The following TMEM86B variants were observed in gnomAD, a reference collection of about 807,000 sequenced individuals.
TMEM86B encodes transmembrane protein 86B.
In TMEM86B, 15 loss-of-function variants were observed where a neutral mutation model predicts 12.3. The observed-to-expected ratio is 1.22, with a 90% CI of 0.81 to 1.87. The LOEUF is 1.87. Among genes scored for constraint, TMEM86B ranks in the 40% most tolerant of loss-of-function variants. TMEM86B has a pLI of 0.00. For synonymous variants in TMEM86B, 173 were observed against 140.3 expected (o/e 1.23, Z -1.65); for missense variants, 328 against 297.4 (o/e 1.10, Z -0.76).
rs1382740767 is a variant in TMEM86B at position 55,226,952 on chromosome 19, G to A, written c.*229C>T. ...CCATGTGGGCCTGGCTGAGGAGCCA[G>A]GGATCTGGAGTCAGAACCGGGGGAA... On this transcript the variant is annotated 3_prime_UTR_variant, in exon 3 of 3. Coordinates refer to ENST00000327042, the MANE Select transcript of TMEM86B (RefSeq NM_173804.5). 4 of 422,278 alleles carry A rather than the reference G, an allele frequency of 9.5e-6. No homozygotes were observed. The highest frequency in any genetic ancestry group is 1.6e-5 in the Non-Finnish European group (4 of 247,954). The allele number at this position is 422,278 out of a possible 1,614,324, so 26.2% of individuals were successfully genotyped here.
In TMEM86B at chr19:55,227,059, C is replaced by A. The variant is rs1024496736; in HGVS notation, c.*122G>T. The A allele has an allele frequency of 3.4e-6, 4 of 1,175,168 alleles. No individual in the cohort carries two copies. In the East Asian group the frequency reaches 9.0e-5, roughly 27 times the overall value. 72.8% of individuals were successfully genotyped at this position (1,175,168 alleles called of 1,614,324 possible). A position where few individuals can be genotyped will look rare whatever the true frequency, so the allele number is the denominator to read the frequency against. On this transcript the variant is annotated 3_prime_UTR_variant, in exon 3 of 3. Transcript: ENST00000327042. ...CAGCCAGAAGCGACGGCGGCAGCGG[C>A]GCCTGCAGACAGGCGTCAGGAAGCT...
rs2122457153 is a variant in TMEM86B at position 55,227,022 on chromosome 19, C to T, written c.*159G>A. The T allele has an allele frequency of 2.4e-6, 2 of 837,596 alleles. No homozygotes were observed. The highest frequency in any genetic ancestry group is 3.9e-5 in the South Asian group (1 of 25,904). 51.9% of individuals were successfully genotyped at this position (837,596 alleles called of 1,614,324 possible). A position where few individuals can be genotyped will look rare whatever the true frequency, so the allele number is the denominator to read the frequency against. ...TGGACTTGGAATTCCGCAAATCGTC[C>T]TCAAACGTCTTCAGCCAGAAGCGAC... On this transcript the variant is annotated 3_prime_UTR_variant, in exon 3 of 3. Coordinates refer to ENST00000327042, the MANE Select transcript of TMEM86B (RefSeq NM_173804.5).
rs760311506 is a variant in TMEM86B, at chr19:55,227,303, C to T, written c.559G>A (p.Ala187Thr). Residue 187 changes from alanine to threonine, a missense_variant, in exon 3 of 3, where the codon GCC (alanine) becomes ACC (threonine). Transcript: ENST00000327042. The stretch of plus-strand genomic sequence containing the variant: ...AGGGGCTGGGCGAAGGTGTCCCAGG[C>T]CAGCACGCCATCAGAGAGCGTGAAG... ...LLFTLSDGVL[A>T]WDTFAQPLPH... 9.9e-6 allele frequency: 16 copies of T among 1,609,342 alleles called. No homozygotes were observed. The highest frequency in any genetic ancestry group is 5.5e-5 in the South Asian group (5 of 90,698).
At chr19:55,228,149 TCA>T in intron 2 of TMEM86B, 40 bp downstream of exon 2, 1 of 1,572,284 alleles carries the variant, frequency 6.4e-7, no homozygotes, top group Non-Finnish European at 8.6e-7. Flanking sequence ...GGGGCCTCTC[TCA>T]CACGGGCATC....
rs974562360 is a variant in TMEM86B, at chr19:55,227,133, T to C, written c.*48A>G. On this transcript the variant is annotated 3_prime_UTR_variant, in exon 3 of 3. Coordinates refer to ENST00000327042, the MANE Select transcript of TMEM86B (RefSeq NM_173804.5). ...GCTGGGCTGGGCTGGGAGGCCCAGG[T>C]CCTTGCAGGAGGAGAGGGCCTGAAC... 60 of 1,416,074 alleles carry C rather than the reference T, an allele frequency of 4.2e-5. No individual in the cohort carries two copies. Among genetic ancestry groups the C allele is most frequent in the Non-Finnish European group, 5.6e-5 (60 of 1,078,638 alleles). 87.7% of individuals were successfully genotyped at this position (1,416,074 alleles called of 1,614,324 possible).
At position 55,227,443 on chromosome 19, in the gene TMEM86B, A is replaced by G. The variant is rs755484206; in HGVS notation, c.419T>C (p.Leu140Pro). Reference protein sequence around the residue: ...LAPGPYLSLVLQHLEPDMVLP... With the variant: ...LAPGPYLSLVPQHLEPDMVLP... ...GACCATATCCGGCTCGAGGTGCTGG[A>G]GCACAAGGCTGAGGTAGGGGCCAGG... The change falls in exon 3 of 3, where the codon CTC (leucine) becomes CCC (proline). Residue 140 changes from leucine (L) to proline (P), a missense_variant. Transcript: ENST00000327042. The G allele has an allele frequency of 2.6e-6, 4 of 1,563,398 alleles. No homozygotes were observed. The East Asian group carries it at 7.1e-5, about 28-fold the overall frequency.
In TMEM86B at chr19:55,228,390, G is replaced by T; in HGVS notation, c.99C>A (p.Cys33Ter). The T allele has an allele frequency of 6.2e-7, 1 of 1,613,732 alleles. No individual in the cohort carries two copies. Among genetic ancestry groups the T allele is most frequent in the Non-Finnish European group, 8.5e-7 (1 of 1,180,016 alleles). The change falls in exon 2 of 3, where the codon TGC (cysteine) becomes TGA (stop). Residue 33 changes from cysteine to a stop codon, truncating the protein, a stop_gained. Coordinates refer to ENST00000327042, the MANE Select transcript of TMEM86B (RefSeq NM_173804.5). LOFTEE classifies it high-confidence loss of function. ...RWLSPFILSC[C>*]VYFCLWIPED... is the part of the protein sequence containing the mutation. The stretch of plus-strand genomic sequence containing the variant: ...CGGGAATCCAGAGGCAGAAGTACAC[G>T]CAGCAGGAGAGGATGAAGGGGCTCA...
Position 55,227,193 on chromosome 19 carries a change from G to T in TMEM86B, c.669C>A (p.Pro223=). The change falls in exon 3 of 3, where the codon CCC becomes CCA. Residue 223 remains proline (P), a synonymous_variant. Coordinates refer to ENST00000327042, the MANE Select transcript of TMEM86B (RefSeq NM_173804.5). ...ITLSALRSPV[P]KTD The stretch of plus-strand genomic sequence containing the variant: ...TCAAGCTCCCTAGTCAGTCAGTCTT[G>T]GGCACCGGGCTCCTGAGGGCTGACA... 6.6e-7 allele frequency: 1 copy of T among 1,519,368 alleles called. No homozygotes were observed. Among genetic ancestry groups the T allele is most frequent in the Non-Finnish European group, 8.9e-7 (1 of 1,127,824 alleles). 94.1% of individuals were successfully genotyped at this position (1,519,368 alleles called of 1,614,324 possible).
At position 55,227,578 on chromosome 19, in the gene TMEM86B, G is replaced by A; in HGVS notation, c.299-15C>T. 4 of 1,511,476 alleles carry A rather than the reference G, an allele frequency of 2.6e-6. No homozygotes were observed. Among genetic ancestry groups the A allele is most frequent in the Non-Finnish European group, 3.6e-6 (4 of 1,124,964 alleles). The allele number at this position is 1,511,476 out of a possible 1,614,324, so 93.6% of individuals were successfully genotyped here. A position where few individuals can be genotyped will look rare whatever the true frequency, so the allele number is the denominator to read the frequency against. On this transcript the variant is annotated splice_polypyrimidine_tract_variant and intron_variant, in intron 2 of 2. Coordinates refer to ENST00000327042, the MANE Select transcript of TMEM86B (RefSeq NM_173804.5). ...GGCGGCCATGCCTGGCGGGAGAGGG[G>A]TGGGGTACCAGTGAGGAAGGCCCAT... is the stretch of plus-strand genomic sequence containing the variant.
At position 55,226,997 on chromosome 19, in the gene TMEM86B, T is replaced by C. The variant is rs2087287091; in HGVS notation, c.*184A>G. 6 of 606,204 alleles carry C rather than the reference T, an allele frequency of 9.9e-6. No homozygotes were observed. The highest frequency in any genetic ancestry group is 5.6e-5 in the South Asian group (1 of 18,014). The allele number at this position is 606,204 out of a possible 1,614,324, so 37.6% of individuals were successfully genotyped here. On this transcript the variant is annotated 3_prime_UTR_variant, in exon 3 of 3. Transcript: ENST00000327042. ...GGGGAAGGCAGCTGGAACCCAGTAG[T>C]GGACTTGGAATTCCGCAAATCGTCC... is the stretch of plus-strand genomic sequence containing the variant.
chr19:55,228,057 T>A (rs777498248), intron 2 of TMEM86B, 134 bp downstream of exon 2: 429 of 1,412,814 alleles, frequency 3.0e-4, no homozygotes, highest in Non-Finnish European at 3.9e-4. Context: ...GCTGCCTCGG[T>A]CACGGCTGCG....
chr19:55,227,680 G>A (rs73068639), intron 2 of TMEM86B, 117 bp from the exon 3 acceptor site: 61,632 of 1,328,674 alleles, frequency 0.046, 1,705 homozygotes, highest in Non-Finnish European at 0.053. Flanking sequence ...CACCCTGGCC[G>A]AGCCTCCTTG....
intron 1 of TMEM86B, 57 bp downstream of exon 1, chr19:55,228,634 G>T: frequency 6.3e-7 from 1 of 1,581,038 alleles, no homozygotes; most frequent in Non-Finnish European, 8.6e-7. Flanking sequence ...CCCGCCGGCT[G>T]CTGGGGTTCC....
In TMEM86B at chr19:55,226,999, G is replaced by T; in HGVS notation, c.*182C>A. 1 of 620,008 alleles carries T rather than the reference G, an allele frequency of 1.6e-6. No homozygotes were observed. Among genetic ancestry groups the T allele is most frequent in the Non-Finnish European group, 2.4e-6 (1 of 413,956 alleles). The allele number at this position is 620,008 out of a possible 1,614,324, so 38.4% of individuals were successfully genotyped here. Reference sequence around the variant, plus strand: ...GGAAGGCAGCTGGAACCCAGTAGTGGACTTGGAATTCCGCAAATCGTCCTC... The same window carrying T: ...GGAAGGCAGCTGGAACCCAGTAGTGTACTTGGAATTCCGCAAATCGTCCTC... On this transcript the variant is annotated 3_prime_UTR_variant, in exon 3 of 3. Transcript: ENST00000327042.
rs1000070664 is a variant in TMEM86B, at chr19:55,227,215, G to A, written c.647C>T (p.Ser216Leu). Residue 216 changes from serine (S) to leucine (L), a missense_variant, in exon 3 of 3, where the codon TCA becomes TTA. Coordinates refer to ENST00000327042, the MANE Select transcript of TMEM86B (RefSeq NM_173804.5). The stretch of plus-strand genomic sequence containing the variant: ...CTTGGGCACCGGGCTCCTGAGGGCT[G>A]ACAGTGTGATGAGGAGCTGGGCAGC... ...YYAAQLLITLSALRSPVPKTD is the reference protein window; with the variant it reads ...YYAAQLLITLLALRSPVPKTD 2 of 1,554,886 alleles carry A rather than the reference G, an allele frequency of 1.3e-6. No individual in the cohort carries two copies. The highest frequency in any genetic ancestry group is 1.8e-5 in the Admixed American group (1 of 55,068).
chr19:55,228,540 G>A, intron 1 of TMEM86B, 103 bp from the exon 2 acceptor site: 1 of 1,545,110 alleles, frequency 6.5e-7, no homozygotes, highest in Non-Finnish European at 8.7e-7. Flanking sequence ...GACCCCAGCT[G>A]TACAGGCTGG....
chr19:55,228,549 G>A (rs568400527), intron 1 of TMEM86B, 112 bp from the exon 2 acceptor site: 2 of 1,533,428 alleles, frequency 1.3e-6, no homozygotes, highest in East Asian at 2.4e-5. Context: ...TGTACAGGCT[G>A]GACCCATTCA....
At position 55,228,317 on chromosome 19, in the gene TMEM86B, G is replaced by C; in HGVS notation, c.172C>G (p.Leu58Val). The change falls in exon 2 of 3, where the codon CTC becomes GTC. Residue 58 changes from leucine to valine, a missense_variant. By Grantham distance (32) the Leu-to-Val change is conservative (BLOSUM62 1). Transcript: ENST00000327042. Reference sequence around the variant, plus strand: ...ACCCACAGGAACCCAGCCAGGCAGAGGACGGGCAGGCACTTGACCAGGGCA... The same window carrying C: ...ACCCACAGGAACCCAGCCAGGCAGACGACGGGCAGGCACTTGACCAGGGCA... Reference protein sequence around the residue: ...FAALVKCLPVLCLAGFLWVMS... With the variant: ...FAALVKCLPVVCLAGFLWVMS... The C allele has an allele frequency of 1.2e-6, 2 of 1,613,882 alleles. No individual in the cohort carries two copies. Among genetic ancestry groups the C allele is most frequent in the Non-Finnish European group, 1.7e-6 (2 of 1,179,992 alleles).
Position 55,227,042 on chromosome 19 carries a change from A to T in TMEM86B, c.*139T>A. On this transcript the variant is annotated 3_prime_UTR_variant, in exon 3 of 3. Transcript: ENST00000327042. ...TCGTCCTCAAACGTCTTCAGCCAGA[A>T]GCGACGGCGGCAGCGGCGCCTGCAG... 1 of 1,024,730 alleles carries T rather than the reference A, an allele frequency of 9.8e-7. No individual in the cohort carries two copies. The highest frequency in any genetic ancestry group is 1.3e-6 in the Non-Finnish European group (1 of 766,846). The allele number at this position is 1,024,730 out of a possible 1,614,324, so 63.5% of individuals were successfully genotyped here. A position where few individuals can be genotyped will look rare whatever the true frequency, so the allele number is the denominator to read the frequency against.
Sources: gnomAD v4.1 joint callset for allele counts on GRCh38, gnomAD v4.1.1 for gene constraint, MANE v1.5 for transcripts, NCBI Gene and HGNC (gene_info 2026-07-23, HGNC 2026-07-21) for gene names.